The following UBE2W variants were observed in gnomAD, a reference collection of about 807,000 sequenced individuals.
The protein encoded by UBE2W is ubiquitin-conjugating enzyme E2 W.
UBE2W carries 18 observed loss-of-function variants against 27.2 expected under a neutral mutation model. That is an observed-to-expected ratio of 0.66 (90% CI 0.46 to 0.98). The LOEUF (loss-of-function observed/expected upper bound fraction) is 0.98, where lower values mean the gene tolerates loss of function less well. Ranked by LOEUF, UBE2W falls within the 50% of genes least tolerant of loss-of-function variation. The pLI is 0.00. For missense variants in UBE2W, 90 were observed against 180.2 expected (o/e 0.50, Z 2.87); for synonymous variants, 53 against 57.2 (o/e 0.93, Z 0.33).
downstream of UBE2W, among the ~76,000 whole-genome samples, chr8:73,785,157 AT>A (rs1041309069): frequency 6.6e-6 from 1 of 151,762 alleles, no homozygotes; most frequent in Non-Finnish European, 1.5e-5. Flanking sequence ...CAATATTTTT[AT>A]TTTTTTTAGA....
chr8:73,799,361 G>A (rs1054934864), intron 5 of UBE2W, among the ~76,000 whole-genome samples: 1 of 152,072 alleles, frequency 6.6e-6, no homozygotes, highest in Non-Finnish European at 1.5e-5. Flanking sequence ...TTTAAGCTGA[G>A]AGAGGTCTCT....
chr8:73,828,025 C>T (rs1012782855), intron 2 of UBE2W, among the ~76,000 whole-genome samples: 18 of 152,130 alleles, frequency 1.2e-4, no homozygotes, highest in Non-Finnish European at 2.2e-4. Context: ...CCAGTAGCTG[C>T]ATTTTGTGCA....
At chr8:73,870,209 C>T (rs1026324731) in intron 1 of UBE2W, 28 of 1,532,034 alleles carry the variant, frequency 1.8e-5, no homozygotes, top group African/African-American at 4.1e-5. Context: ...TAATAGCTCA[C>T]AATTTTATTT....
chr8:73,842,253 GCA>G (rs1224877952), intron 1 of UBE2W, among the ~76,000 whole-genome samples: 3 of 152,094 alleles, frequency 2.0e-5, no homozygotes, highest in Non-Finnish European at 4.4e-5. Flanking sequence ...GTGGGGCCGG[GCA>G]CAGTGGCTCA....
At chr8:73,812,222 A>T (rs941464218) in intron 3 of UBE2W, among the ~76,000 whole-genome samples, 7 of 123,158 alleles carry the variant, frequency 5.7e-5, no homozygotes, top group African/African-American at 2.0e-4. Context: ...TCCCACTAAT[A>T]AAAAAAAAAA....
chr8:73,800,222 G>C (rs1808581518), intron 5 of UBE2W, among the ~76,000 whole-genome samples: 1 of 152,160 alleles, frequency 6.6e-6, no homozygotes, highest in African/African-American at 2.4e-5. Flanking sequence ...ATCCTAGTTG[G>C]ATGACAGAAC....
At chr8:73,843,045 A>C (rs920792584) in intron 1 of UBE2W, among the ~76,000 whole-genome samples, 1 of 152,226 alleles carries the variant, frequency 6.6e-6, no homozygotes, top group Non-Finnish European at 1.5e-5. Context: ...CCTTGAAAAC[A>C]TTATGATGTT....
chr8:73,873,014 T>C (rs1002251455), intron 1 of UBE2W, among the ~76,000 whole-genome samples: 3 of 151,722 alleles, frequency 2.0e-5, no homozygotes, highest in African/African-American at 7.3e-5. Flanking sequence ...CAAGGGATTC[T>C]CCTGCCTCAG....
intron 5 of UBE2W, among the ~76,000 whole-genome samples, chr8:73,794,866 A>AC (rs903165265): frequency 6.7e-6 from 1 of 148,446 alleles, no homozygotes; most frequent in East Asian, 1.9e-4. Context: ...AAAAAAAAAA[A>AC]AAAGAAAAAA....
intron 4 of UBE2W, among the ~76,000 whole-genome samples, chr8:73,806,140 C>T (rs1351309350): frequency 6.6e-6 from 1 of 151,396 alleles, no homozygotes; most frequent in Admixed American, 6.6e-5. Flanking sequence ...GACAACAGAG[C>T]GAGACTCTCG....
Position 73,870,828 on chromosome 8 carries a change from A to G in UBE2W, c.15+7980T>C, listed in dbSNP as rs1484981009. ...TTTGAACAAAGCTATGAGTGAAAAG[A>G]AAAAAAAAAAAAAAAAAAGGAAGCC... On this transcript the variant is annotated intron_variant, in intron 1 of 5. Transcript: ENST00000602593. Among the ~76,000 whole-genome samples, 18 of 30,616 alleles carry G rather than the reference A, an allele frequency of 5.9e-4. 1 individual carries two copies. In the East Asian group the frequency reaches 0.017, roughly 28 times the overall value. 20.1% of individuals were successfully genotyped at this position (30,616 alleles called of 152,430 possible). A position where few individuals can be genotyped will look rare whatever the true frequency, so the allele number is the denominator to read the frequency against.
At position 73,790,694 on chromosome 8, in the gene UBE2W, T is replaced by C. The variant is rs1211016409; in HGVS notation, c.*3408A>G. On this transcript the variant is annotated 3_prime_UTR_variant, in exon 6 of 6. Transcript: ENST00000602593. ...CTCTTCTATTTTTAGGAAGAAGTTA[T>C]AACAAGTTTTAAATATCTCAATTCT... 2 of 979,850 alleles carry C rather than the reference T, an allele frequency of 2.0e-6. No individual in the cohort carries two copies. Among genetic ancestry groups the C allele is most frequent in the African/African-American group, 1.8e-5 (1 of 57,110 alleles). The allele number at this position is 979,850 out of a possible 1,614,324, so 60.7% of individuals were successfully genotyped here.
At chr8:73,870,790 T>TA (rs201708564) in intron 1 of UBE2W, among the ~76,000 whole-genome samples, 27 of 112,148 alleles carry the variant, frequency 2.4e-4, no homozygotes, top group Admixed American at 4.9e-4. Flanking sequence ...AGGGCTCTCT[T>TA]AAAAAAAAAA....
chr8:73,780,438 C>T (rs1290892038), exon 5 of UBE2W: 1 of 445,608 alleles, frequency 2.2e-6, no homozygotes, highest in South Asian at 1.6e-5. Context: ...ATTTGAGGTA[C>T]TGGGAGTTAA....
rs918693429 is a variant in UBE2W at position 73,812,506 on chromosome 8, T to G, written c.211-1877A>C. 4.6e-5 allele frequency among the ~76,000 whole-genome samples: 7 copies of G among 151,892 alleles called. 1 individual carries two copies. The highest frequency in any genetic ancestry group is 1.7e-4 in the African/African-American group (7 of 41,164). ...CAACTGTTTTTTAATGAAATTTTATTTTTCATAAATATGAACTATAGTTTA... is the reference window on the plus strand; with the variant it reads ...CAACTGTTTTTTAATGAAATTTTATGTTTCATAAATATGAACTATAGTTTA... On this transcript the variant is annotated intron_variant, in intron 3 of 5. Transcript: ENST00000602593.
At chr8:73,850,930 G>A (rs1051660795) in intron 1 of UBE2W, among the ~76,000 whole-genome samples, 7 of 152,006 alleles carry the variant, frequency 4.6e-5, no homozygotes, top group African/African-American at 1.4e-4. Context: ...CGCAATCTCG[G>A]CTTAATGCAA....
chr8:73,781,597 A>C (rs1315201298), downstream of UBE2W, among the ~76,000 whole-genome samples: 1 of 148,986 alleles, frequency 6.7e-6, no homozygotes, highest in Non-Finnish European at 1.5e-5. Context: ...TGGATTTTGG[A>C]ATTTGTCCGA....
chr8:73,810,134 G>C (rs1419155713), intron 4 of UBE2W, among the ~76,000 whole-genome samples: 1 of 152,088 alleles, frequency 6.6e-6, no homozygotes, highest in African/African-American at 2.4e-5. Context: ...CTTTTCTGAG[G>C]CTTTCCACTG....
Position 73,788,821 on chromosome 8 carries a change from G to C in UBE2W, c.*5281C>G, listed in dbSNP as rs1303926440. 1.0e-6 allele frequency: 1 copy of C among 985,172 alleles called. No homozygotes were observed. The highest frequency in any genetic ancestry group is 1.2e-6 in the Non-Finnish European group (1 of 829,938). 61.0% of individuals were successfully genotyped at this position (985,172 alleles called of 1,614,324 possible). A position where few individuals can be genotyped will look rare whatever the true frequency, so the allele number is the denominator to read the frequency against. ...GTGTATGTGCCAAGGACTAGAACAA[G>C]AATTGGATCTCTCCTTTTCCCAGTC... On this transcript the variant is annotated 3_prime_UTR_variant, in exon 6 of 6. Coordinates refer to ENST00000602593, the MANE Select transcript of UBE2W (RefSeq NM_018299.6).
Sources: allele counts gnomAD v4.1 joint callset (sites outside exome capture counted in the v4.1 genomes callset), GRCh38; gene constraint gnomAD v4.1.1; transcripts MANE v1.5; gene names NCBI Gene and HGNC (gene_info 2026-07-23, HGNC 2026-07-21).